The following UBXN7 variants were observed in gnomAD, a reference collection of about 807,000 sequenced individuals.
UBXN7 encodes UBX domain-containing protein 7.
In UBXN7, 9 loss-of-function variants were observed where a neutral mutation model predicts 58.0. That is an observed-to-expected ratio of 0.16 (90% CI 0.09 to 0.27). The LOEUF is 0.27. Ranked by LOEUF, UBXN7 falls within the 10% of genes least tolerant of loss-of-function variation. The pLI is 1.00. For synonymous variants in UBXN7, 208 were observed against 205.0 expected, an observed-to-expected ratio of 1.01 and a Z score of -0.12; for missense variants, 328 against 599.6, an observed-to-expected ratio of 0.55 and a Z score of 4.73.
intron 6 of UBXN7, among the ~76,000 whole-genome samples, chr3:196,370,444 C>A (rs1560221560): frequency 6.7e-6 from 1 of 148,600 alleles, no homozygotes; most frequent in Non-Finnish European, 1.5e-5. Flanking sequence ...CAGAGCAAGA[C>A]CCTGTCCATT....
At chr3:196,393,006 G>A (rs1023001958) in intron 4 of UBXN7, among the ~76,000 whole-genome samples, 5 of 151,808 alleles carry the variant, frequency 3.3e-5, no homozygotes, top group Non-Finnish European at 7.4e-5. Flanking sequence ...ATGGTCCAAG[G>A]GTTTCTCATA....
intron 7 of UBXN7, among the ~76,000 whole-genome samples, chr3:196,368,926 C>T (rs112463670): frequency 6.6e-6 from 1 of 152,028 alleles, no homozygotes; most frequent in African/African-American, 2.4e-5. Flanking sequence ...GGGTTCAGGC[C>T]ATTCTCCTGC....
chr3:196,363,211 C>A (rs887183560), intron 8 of UBXN7, among the ~76,000 whole-genome samples: 1 of 99,922 alleles, frequency 1.0e-5, no homozygotes, highest in African/African-American at 3.6e-5. Flanking sequence ...CACATACATA[C>A]ATACATACAT....
rs547784120 is a variant in UBXN7, at chr3:196,375,645, A to G, written c.469-3603T>C. ...ATCTATTAGGTTGTTCTGAATCAAC[A>G]TTTCAAAGCCATTATAATGGAGACC... On this transcript the variant is annotated intron_variant, in intron 5 of 10. Coordinates refer to ENST00000296328, the MANE Select transcript of UBXN7 (RefSeq NM_015562.2). 2.6e-5 allele frequency among the ~76,000 whole-genome samples: 4 copies of G among 152,310 alleles called. No homozygotes were observed. The South Asian group carries it at 8.3e-4, about 32-fold the overall frequency.
intron 2 of UBXN7, among the ~76,000 whole-genome samples, chr3:196,405,483 GAAAAGAAAAA>G (rs1487023097): frequency 7.3e-6 from 1 of 136,488 alleles, no homozygotes; most frequent in Non-Finnish European, 1.6e-5. Context: ...AAAAAAAAAA[GAAAAGAAAAA>G]AAAAGAAAGA....
intron 5 of UBXN7, among the ~76,000 whole-genome samples, chr3:196,372,453 CG>C (rs1194631010): frequency 6.6e-6 from 1 of 150,800 alleles, no homozygotes; most frequent in Non-Finnish European, 1.5e-5. Context: ...GTGATTCTCC[CG>C]CCGCAGCCTC....
intron 1 of UBXN7, among the ~76,000 whole-genome samples, chr3:196,423,842 A>G (rs1301490497): frequency 6.6e-6 from 1 of 152,080 alleles, no homozygotes; most frequent in East Asian, 1.9e-4. Flanking sequence ...AGCTAAACAA[A>G]GGACTAATTA....
chr3:196,404,624 T>C (rs1227275851), intron 2 of UBXN7, among the ~76,000 whole-genome samples: 1 of 152,176 alleles, frequency 6.6e-6, no homozygotes, highest in Admixed American at 6.5e-5. Flanking sequence ...GACATTTAAG[T>C]GTTGGAACTC....
At chr3:196,372,140 C>A (rs1374521333) in intron 5 of UBXN7, 98 bp from the exon 6 acceptor site, 7 of 1,388,980 alleles carry the variant, frequency 5.0e-6, no homozygotes, top group Admixed American at 2.8e-5. Context: ...ATTAAAAATA[C>A]TAAGTTTTTG....
Position 196,362,745 on chromosome 3 carries a change from C to G in UBXN7, c.835-58G>C. The stretch of plus-strand genomic sequence containing the variant: ...GAACAAGTTAAACCAAAAAACAAGT[C>G]AAACGGCATAAGAAATATAATAGCT... On this transcript the variant is annotated intron_variant, in intron 8 of 10. Coordinates refer to ENST00000296328, the MANE Select transcript of UBXN7 (RefSeq NM_015562.2). 3.9e-6 allele frequency: 6 copies of G among 1,530,900 alleles called. No homozygotes were observed. The South Asian group carries it at 7.6e-5, about 19-fold the overall frequency. 94.8% of individuals were successfully genotyped at this position (1,530,900 alleles called of 1,614,324 possible).
intron 1 of UBXN7, among the ~76,000 whole-genome samples, chr3:196,419,234 G>A (rs966673295): frequency 3.9e-5 from 6 of 152,096 alleles, no homozygotes; most frequent in African/African-American, 4.8e-5. Context: ...CCAAGATCAC[G>A]CCACTGCACT....
Position 196,350,090 on chromosome 3 carries a change from C to T in UBXN7, c.*6595G>A, listed in dbSNP as rs1249622279. On this transcript the variant is annotated 3_prime_UTR_variant, in exon 11 of 11. Transcript: ENST00000296328. ...TCTGTGATTGCTCTTGGGAAAAATACTATCATTGGTATTTGCCATCTCTAA... is the reference window on the plus strand; with the variant it reads ...TCTGTGATTGCTCTTGGGAAAAATATTATCATTGGTATTTGCCATCTCTAA... 1.3e-5 allele frequency: 2 copies of T among 152,198 alleles called. No homozygotes were observed. Among genetic ancestry groups the T allele is most frequent in the Non-Finnish European group, 2.9e-5 (2 of 68,030 alleles). 9.4% of individuals were successfully genotyped at this position (152,198 alleles called of 1,614,324 possible). A position where few individuals can be genotyped will look rare whatever the true frequency, so the allele number is the denominator to read the frequency against.
rs550933992 is a variant in UBXN7, at chr3:196,400,210, G to GA, written c.289+2741dup. On this transcript the variant is annotated intron_variant, in intron 3 of 10. Transcript: ENST00000296328. ...GCAACACAGCAAGACCCCATCTTGG[G>GA]AAAAAAAAAAAACCCTTAGTATTAT... 4.6e-3 allele frequency: 588 copies of GA among 127,026 alleles called. 3 individuals carry two copies. Among genetic ancestry groups the GA allele is most frequent in the Admixed American group, 9.5e-3 (122 of 12,776 alleles). 7.9% of individuals were successfully genotyped at this position (127,026 alleles called of 1,614,324 possible). A position where few individuals can be genotyped will look rare whatever the true frequency, so the allele number is the denominator to read the frequency against.
At chr3:196,422,045 C>G (rs954820646) in intron 1 of UBXN7, among the ~76,000 whole-genome samples, 1 of 150,924 alleles carries the variant, frequency 6.6e-6, no homozygotes, top group Non-Finnish European at 1.5e-5. Flanking sequence ...AGTAAAAATA[C>G]AAAAATTATC....
intron 1 of UBXN7, among the ~76,000 whole-genome samples, chr3:196,414,053 G>A (rs1397468431): frequency 2.0e-5 from 3 of 152,026 alleles, no homozygotes; most frequent in African/African-American, 7.2e-5. Context: ...GCAGTGGTAC[G>A]ATCTCCGCTC....
Position 196,355,083 on chromosome 3 carries a change from T to C in UBXN7, c.*1602A>G, listed in dbSNP as rs1311926444. 6.6e-6 allele frequency: 1 copy of C among 152,100 alleles called. No individual in the cohort carries two copies. The highest frequency in any genetic ancestry group is 1.5e-5 in the Non-Finnish European group (1 of 68,014). The allele number at this position is 152,100 out of a possible 1,614,324, so 9.4% of individuals were successfully genotyped here. On this transcript the variant is annotated 3_prime_UTR_variant, in exon 11 of 11. Transcript: ENST00000296328. ...AACACATGGCATCTTTTTTTCTTCT[T>C]TTCCCAAATCCCCTAATTGCCAAGA... is the stretch of plus-strand genomic sequence containing the variant.
chr3:196,356,604 A>G lies in UBXN7; in HGVS notation c.*81T>C. The G allele has an allele frequency of 6.7e-7, 1 of 1,502,190 alleles. No homozygotes were observed. The highest frequency in any genetic ancestry group is 2.4e-5 in the East Asian group (1 of 42,032). 93.1% of individuals were successfully genotyped at this position (1,502,190 alleles called of 1,614,324 possible). On this transcript the variant is annotated 3_prime_UTR_variant, in exon 11 of 11. Transcript: ENST00000296328. ...CCAACTTTGGCTCTGTGGTCCTATG[A>G]GCCAAAATGCATACTTAGTGACATG...
chr3:196,401,786 AAAAGT>A (rs1310003750), intron 3 of UBXN7, among the ~76,000 whole-genome samples: 3 of 148,962 alleles, frequency 2.0e-5, no homozygotes, highest in Admixed American at 1.3e-4. Flanking sequence ...AAAAAAAAAA[AAAAGT>A]AAAGAAAGGA....
At chr3:196,364,749 T>C (rs1728610561) in intron 8 of UBXN7, among the ~76,000 whole-genome samples, 2 of 151,602 alleles carry the variant, frequency 1.3e-5, no homozygotes, top group African/African-American at 4.8e-5. Flanking sequence ...CAGGCTGAAG[T>C]GCAGTGGCAC....
Sources: gnomAD v4.1 joint callset for allele counts (sites outside exome capture counted in the v4.1 genomes callset) on GRCh38, gnomAD v4.1.1 for gene constraint, MANE v1.5 for transcripts, NCBI Gene and HGNC (gene_info 2026-07-23, HGNC 2026-07-21) for gene names.